The following HROB variants were observed in gnomAD, a reference collection of about 807,000 sequenced individuals.
The protein encoded by HROB is homologous recombination factor with OB-fold, also known as homologous recombination OB-fold protein.
In HROB, 44 loss-of-function variants were observed where a neutral mutation model predicts 61.0. The observed-to-expected ratio is 0.72, with a 90% CI of 0.57 to 0.93. The LOEUF (loss-of-function observed/expected upper bound fraction) is 0.93, where lower values mean the gene tolerates loss of function less well. HROB is among the 40% of genes least tolerant of loss of function. The probability of loss-of-function intolerance (pLI) is 0.00; values close to 1 mark genes in which losing one functional copy is unlikely to be tolerated. For synonymous variants in HROB, 301 were observed against 310.4 expected (o/e 0.97, Z 0.32); for missense variants, 716 against 796.2 (o/e 0.90, Z 1.21).
At chr17:44,145,896 A>G (rs2053595867) in intron 2 of HROB, among the ~76,000 whole-genome samples, 1 of 152,166 alleles carries the variant, frequency 6.6e-6, no homozygotes. Context: ...TTTTAAGTTC[A>G]GGGGTACACG....
chr17:44,156,520 G>A (rs774204584), intron 8 of HROB, among the ~76,000 whole-genome samples: 1 of 151,890 alleles, frequency 6.6e-6, no homozygotes, highest in East Asian at 1.9e-4. Flanking sequence ...CACCGTGCTC[G>A]GCCTATTTTT....
At position 44,144,701 on chromosome 17, in the gene HROB, C is replaced by T. The variant is rs564463716; in HGVS notation, c.4-502C>T. On this transcript the variant is annotated intron_variant, in intron 1 of 9. Coordinates refer to ENST00000585683, the MANE Select transcript of HROB (RefSeq NM_001171251.3). ...AGTAGCTGGGACTGCAGGAATGAGC[C>T]ACTGCACACAGCTAAGTAAGTTTTT... is the stretch of plus-strand genomic sequence containing the variant. Among the ~76,000 whole-genome samples the T allele has an allele frequency of 1.1e-4, 16 of 152,066 alleles. No individual in the cohort carries two copies. The South Asian group carries it at 2.9e-3, about 28-fold the overall frequency.
intron 1 of HROB, 76 bp from the exon 2 acceptor site, chr17:44,145,127 G>A: frequency 6.6e-7 from 1 of 1,508,572 alleles, no homozygotes; most frequent in Non-Finnish European, 9.2e-7. Flanking sequence ...TGTTAGTGCT[G>A]GGAAGAAGCA....
chr17:44,155,026 A>G (rs577329530), intron 7 of HROB, 88 bp downstream of exon 7: 54 of 1,464,882 alleles, frequency 3.7e-5, no homozygotes, highest in Admixed American at 2.3e-4. Context: ...TTCCTCTACA[A>G]CACCAGGCAC....
chr17:44,155,015 C>T lies in HROB; in HGVS notation c.1644+77C>T, dbSNP rs921150093. The T allele has an allele frequency of 4.0e-6, 6 of 1,513,908 alleles. No homozygotes were observed. In the African/African-American group the frequency reaches 8.3e-5, roughly 21 times the overall value. 93.8% of individuals were successfully genotyped at this position (1,513,908 alleles called of 1,614,324 possible). A position where few individuals can be genotyped will look rare whatever the true frequency, so the allele number is the denominator to read the frequency against. Reference sequence around the variant, plus strand: ...TCTGTCTCCTTACCTGTTTGGCTGCCTTCCTCTACAACACCAGGCACGGAG... The same window carrying T: ...TCTGTCTCCTTACCTGTTTGGCTGCTTTCCTCTACAACACCAGGCACGGAG... On this transcript the variant is annotated intron_variant, in intron 7 of 9. Coordinates refer to ENST00000585683, the MANE Select transcript of HROB (RefSeq NM_001171251.3).
intron 3 of HROB, among the ~76,000 whole-genome samples, chr17:44,149,614 C>T (rs1023641972): frequency 6.6e-6 from 1 of 152,064 alleles, no homozygotes; most frequent in Non-Finnish European, 1.5e-5. Context: ...GGCTATGTTG[C>T]TCAGGCTGGT....
Position 44,155,301 on chromosome 17 carries a change from CCTT to C in HROB, c.1662_1664del (p.Ser555del). On this transcript the variant is annotated inframe_deletion, in exon 8 of 10. Transcript: ENST00000585683. ...TTGACTCCAGATTGGAGTGTTTTCT[CCTT>C]CACTTCGAAATCACTACCTCAACGT... 3 of 1,614,164 alleles carry C rather than the reference CCTT, an allele frequency of 1.9e-6. No individual in the cohort carries two copies. Among genetic ancestry groups the C allele is most frequent in the Non-Finnish European group, 2.5e-6 (3 of 1,180,034 alleles).
At chr17:44,159,683 T>TG (rs2054075105) in intron 9 of HROB, among the ~76,000 whole-genome samples, 1 of 152,236 alleles carries the variant, frequency 6.6e-6, no homozygotes, top group African/African-American at 2.4e-5. Context: ...GTCCACGTGA[T>TG]GGGGGCCTTT....
chr17:44,157,405 C>CTTTTTTT (rs71160088), intron 8 of HROB, among the ~76,000 whole-genome samples: 79 of 81,350 alleles, frequency 9.7e-4, no homozygotes, highest in Middle Eastern at 9.3e-3. Flanking sequence ...CATCATGTTT[C>CTTTTTTT]TTTTTTTTTT....
rs143555103 is a variant in HROB at position 44,149,010 on chromosome 17, G to A, written c.1207G>A (p.Gly403Arg). 3.8e-5 allele frequency: 62 copies of A among 1,613,588 alleles called. No individual in the cohort carries two copies. Among genetic ancestry groups the A allele is most frequent in the Non-Finnish European group, 5.1e-5 (60 of 1,179,796 alleles). The change falls in exon 3 of 10, where the codon GGG becomes AGG. Residue 403 changes from glycine to arginine, a missense_variant. Physicochemically the swap from Gly to Arg is moderately radical, Grantham distance 125. Coordinates refer to ENST00000585683, the MANE Select transcript of HROB (RefSeq NM_001171251.3). ...AKTRRFPGPAGILPHQQSGRS... is the reference protein window; with the variant it reads ...AKTRRFPGPARILPHQQSGRS... ...AACTCGCCGTTTCCCTGGCCCAGCT[G>A]GGATCCTGCCTCACCAGGTGAGTGA...
rs374613014 is a variant in HROB at position 44,152,389 on chromosome 17, G to A, written c.1309-248G>A. Among the ~76,000 whole-genome samples, 14 of 149,186 alleles carry A rather than the reference G, an allele frequency of 9.4e-5. No individual in the cohort carries two copies. The East Asian group carries it at 1.4e-3, about 15-fold the overall frequency. On this transcript the variant is annotated intron_variant, in intron 4 of 9. Transcript: ENST00000585683. The stretch of plus-strand genomic sequence containing the variant: ...CTGCTGAATGAAACCTGTGATACGC[G>A]ACAAGATTTTCACGTGCTTCAAATG...
At chr17:44,144,144 ATT>A (rs869302838) in intron 1 of HROB, among the ~76,000 whole-genome samples, 2 of 129,464 alleles carry the variant, frequency 1.5e-5, no homozygotes, top group African/African-American at 2.9e-5. Context: ...GGCCCGGCTA[ATT>A]TTTTTTTTTT....
At chr17:44,144,288 C>T (rs1396471025) in intron 1 of HROB, among the ~76,000 whole-genome samples, 3 of 151,892 alleles carry the variant, frequency 2.0e-5, no homozygotes, top group Non-Finnish European at 4.4e-5. Context: ...TACAGATGCC[C>T]ACCACCACGC....
chr17:44,142,713 G>A (rs934065211), intron 1 of HROB, among the ~76,000 whole-genome samples: 8 of 152,018 alleles, frequency 5.3e-5, no homozygotes, highest in Non-Finnish European at 1.0e-4. Flanking sequence ...CTAGAAAGAA[G>A]GAACCGTGGA....
At position 44,148,877 on chromosome 17, in the gene HROB, T is replaced by C. The variant is rs2053706986; in HGVS notation, c.1074T>C (p.Gly358=). 6.2e-7 allele frequency: 1 copy of C among 1,614,046 alleles called. No individual in the cohort carries two copies. The change falls in exon 3 of 10, where the codon GGT becomes GGC. Residue 358 remains glycine (G), a synonymous_variant. Coordinates refer to ENST00000585683, the MANE Select transcript of HROB (RefSeq NM_001171251.3). Reference sequence around the variant, plus strand: ...GGTCTCCTGTTGGTACCCCAAAAGGTCCCCAGGGAGCTCTGCAGACACCCA... The same window carrying C: ...GGTCTCCTGTTGGTACCCCAAAAGGCCCCCAGGGAGCTCTGCAGACACCCA... The part of the protein sequence containing the change: ...SIGSPVGTPK[G]PQGALQTPIV...
chr17:44,147,436 C>CTTTT (rs34538292), intron 2 of HROB, among the ~76,000 whole-genome samples: 2 of 114,752 alleles, frequency 1.7e-5, no homozygotes, highest in Non-Finnish European at 3.4e-5. Flanking sequence ...TCTTTTCTTT[C>CTTTT]TTTTTTTTTT....
intron 9 of HROB, among the ~76,000 whole-genome samples, chr17:44,159,242 A>G (rs1202797294): frequency 6.6e-6 from 1 of 152,192 alleles, no homozygotes; most frequent in Non-Finnish European, 1.5e-5. Context: ...AGAATAAGAA[A>G]AGTTATACTA....
rs1206980170 is a variant in HROB at position 44,142,020 on chromosome 17, C to T, written c.-123C>T. ...TCGCAGAGACTCATCCCTCTGACCC[C>T]AGCCCGGAAGCACTGTCCCTCGGAG... On this transcript the variant is annotated 5_prime_UTR_variant, in exon 1 of 10. Transcript: ENST00000585683. The T allele has an allele frequency of 1.5e-6, 2 of 1,362,304 alleles. No individual in the cohort carries two copies. Among genetic ancestry groups the T allele is most frequent in the Non-Finnish European group, 2.0e-6 (2 of 1,005,178 alleles). 84.4% of individuals were successfully genotyped at this position (1,362,304 alleles called of 1,614,324 possible).
intron 9 of HROB, among the ~76,000 whole-genome samples, chr17:44,158,341 G>A (rs1424224121): frequency 2.6e-5 from 4 of 152,100 alleles, no homozygotes; most frequent in Non-Finnish European, 1.5e-5. Context: ...GAGTCAAGAC[G>A]TCCACTGGTT....
Sources: gnomAD v4.1 joint callset for allele counts (sites outside exome capture counted in the v4.1 genomes callset) on GRCh38, gnomAD v4.1.1 for gene constraint, MANE v1.5 for transcripts, NCBI Gene and HGNC (gene_info 2026-07-23, HGNC 2026-07-21) for gene names.